Variants in CD109 observed in about 807,000 individuals in gnomAD.
The protein encoded by CD109 is CD109 molecule.
A neutral mutation model predicts 165.8 loss-of-function variants in CD109; 149 were observed. The observed-to-expected ratio is 0.90, with a 90% CI of 0.79 to 1.03. CD109 has a LOEUF of 1.03. Ranked by LOEUF, CD109 falls within the 50% of genes least tolerant of loss-of-function variation. CD109 has a pLI of 0.00. For synonymous variants in CD109, 585 were observed against 592.1 expected (o/e 0.99, Z 0.18); for missense variants, 1,712 against 1,677.8 (o/e 1.02, Z -0.36).
At chr6:73,818,819 A>T (rs946404855) in intron 31 of CD109, among the ~76,000 whole-genome samples, 1 of 152,162 alleles carries the variant, frequency 6.6e-6, no homozygotes, top group Non-Finnish European at 1.5e-5. Flanking sequence ...TAGTATAATT[A>T]AAAAAATTCA....
chr6:73,726,289 C>T (rs541387586), intron 3 of CD109, among the ~76,000 whole-genome samples: 1 of 151,968 alleles, frequency 6.6e-6, no homozygotes, highest in East Asian at 1.9e-4. Flanking sequence ...CTAAAATAAC[C>T]CCCAATATGA....
intron 5 of CD109, among the ~76,000 whole-genome samples, chr6:73,749,548 T>C (rs2150205825): frequency 6.6e-6 from 1 of 152,286 alleles, no homozygotes; most frequent in East Asian, 1.9e-4. Context: ...TGAAATTTTG[T>C]ATTTCATTTT....
At chr6:73,789,603 G>A (rs1179670542) in intron 22 of CD109, among the ~76,000 whole-genome samples, 2 of 147,932 alleles carry the variant, frequency 1.4e-5, no homozygotes, top group Non-Finnish European at 1.5e-5. Context: ...ACAGGCACCC[G>A]CCACCATGCC....
chr6:73,737,071 A>G (rs1360204401), intron 5 of CD109, among the ~76,000 whole-genome samples: 1 of 152,236 alleles, frequency 6.6e-6, no homozygotes, highest in African/African-American at 2.4e-5. Context: ...ATTGGAATGA[A>G]TGAGACATAA....
At chr6:73,780,386 T>C in intron 15 of CD109, 38 bp from the exon 16 acceptor site, 1 of 1,205,168 alleles carries the variant, frequency 8.3e-7, no homozygotes, top group Non-Finnish European at 1.2e-6. Context: ...AAAGTTGTTA[T>C]GAATCCATTC....
At chr6:73,736,574 T>C (rs1582080864) in intron 5 of CD109, 66 bp downstream of exon 5, 3 of 1,391,830 alleles carry the variant, frequency 2.2e-6, no homozygotes, top group Middle Eastern at 3.7e-4. Flanking sequence ...TGGGGGAAAA[T>C]CTCCAAAGTC....
At chr6:73,799,716 A>G (rs1775295407) in intron 23 of CD109, among the ~76,000 whole-genome samples, 1 of 152,182 alleles carries the variant, frequency 6.6e-6, no homozygotes, top group South Asian at 2.1e-4. Context: ...TACCTCCAAC[A>G]TTGAGGATTA....
rs1452416825 is a variant in CD109 at position 73,798,316 on chromosome 6, T to C, written c.2879-4904T>C. Among the ~76,000 whole-genome samples, 5 of 152,184 alleles carry C rather than the reference T, an allele frequency of 3.3e-5. No homozygotes were observed. The East Asian group carries it at 7.7e-4, about 24-fold the overall frequency. On this transcript the variant is annotated intron_variant, in intron 23 of 32. Coordinates refer to ENST00000287097, the MANE Select transcript of CD109 (RefSeq NM_133493.5). ...TTTTAGTAGAGACGGGACTTTGCCG[T>C]ATTAGCCAGGCTGGTTTCAAACTCC...
chr6:73,687,991 C>A, the CD109 span, among the ~76,000 whole-genome samples: 4 of 152,086 alleles, frequency 2.6e-5, no homozygotes, highest in Admixed American at 2.6e-4. Flanking sequence ...ACAAATTGTC[C>A]CATTAGGTGA....
the CD109 span, among the ~76,000 whole-genome samples, chr6:73,690,435 C>T: frequency 1.3e-5 from 2 of 152,128 alleles, no homozygotes; most frequent in Non-Finnish European, 2.9e-5. Flanking sequence ...GAGTTTCGCT[C>T]TTGTTGTCCA....
At chr6:73,702,479 C>T (rs1771120031) in intron 2 of CD109, among the ~76,000 whole-genome samples, 1 of 152,158 alleles carries the variant, frequency 6.6e-6, no homozygotes, top group African/African-American at 2.4e-5. Flanking sequence ...GGCAGCTTTG[C>T]CAACATAACT....
intron 3 of CD109, among the ~76,000 whole-genome samples, chr6:73,727,734 A>T (rs1772194056): frequency 6.6e-6 from 1 of 152,220 alleles, no homozygotes; most frequent in Admixed American, 6.5e-5. Context: ...AAAAATGATA[A>T]ACATATCAAA....
chr6:73,746,553 A>G (rs1772989613), intron 5 of CD109, among the ~76,000 whole-genome samples: 1 of 151,168 alleles, frequency 6.6e-6, no homozygotes, highest in Admixed American at 6.6e-5. Context: ...ATTTTTGTTT[A>G]TTGTTTGTTT....
chr6:73,721,592 C>T (rs926752975), intron 2 of CD109, among the ~76,000 whole-genome samples: 3 of 152,024 alleles, frequency 2.0e-5, no homozygotes, highest in Admixed American at 1.3e-4. Context: ...TCTCAATCTC[C>T]TGACCTCATG....
rs759823855 is a variant in CD109, at chr6:73,810,086, T to G, written c.3458T>G (p.Phe1153Cys). The G allele has an allele frequency of 1.2e-6, 2 of 1,610,686 alleles. No homozygotes were observed. Among genetic ancestry groups the G allele is most frequent in the Non-Finnish European group, 1.7e-6 (2 of 1,178,934 alleles). The change falls in exon 27 of 33, where the codon TTC (phenylalanine) becomes TGC (cysteine). Residue 1153 changes from phenylalanine (F) to cysteine (C), a missense_variant. Coordinates refer to ENST00000287097, the MANE Select transcript of CD109 (RefSeq NM_133493.5). ...EVAAYALLSH[F>C]LQFQTSEGIP... ...GCAGCCTATGCACTGCTCTCACACTTCTTACAATTTCAGACTTCTGAGGGA... is the reference window on the plus strand; with the variant it reads ...GCAGCCTATGCACTGCTCTCACACTGCTTACAATTTCAGACTTCTGAGGGA...
At chr6:73,791,174 TATAC>T (rs1180711289) in intron 22 of CD109, among the ~76,000 whole-genome samples, 509 of 30,582 alleles carry the variant, frequency 0.017, 1 homozygote, top group South Asian at 0.033. Flanking sequence ...TATATATATA[TATAC>T]ACACACACAC....
At chr6:73,735,745 C>T (rs1200641253) in intron 4 of CD109, among the ~76,000 whole-genome samples, 2 of 152,152 alleles carry the variant, frequency 1.3e-5, no homozygotes. Flanking sequence ...AATATTGAGT[C>T]ATGCCAGTCA....
At chr6:73,738,173 G>A (rs1239072281) in intron 5 of CD109, among the ~76,000 whole-genome samples, 5 of 152,240 alleles carry the variant, frequency 3.3e-5, no homozygotes, top group Non-Finnish European at 4.4e-5. Flanking sequence ...TGGTGATAAA[G>A]AGGGTTTATT....
At chr6:73,757,138 T>G (rs999657147) in intron 6 of CD109, among the ~76,000 whole-genome samples, 1 of 152,214 alleles carries the variant, frequency 6.6e-6, no homozygotes, top group African/African-American at 2.4e-5. Flanking sequence ...ATCTATTTTG[T>G]TGGTGAATGG....
Sources: allele counts gnomAD v4.1 joint callset (sites outside exome capture counted in the v4.1 genomes callset), GRCh38; gene constraint gnomAD v4.1.1; transcripts MANE v1.5; gene names NCBI Gene and HGNC (gene_info 2026-07-23, HGNC 2026-07-21).